NDFIP2: variants seen among roughly 807,000 people sequenced by gnomAD.
The protein encoded by NDFIP2 is Nedd4 family interacting protein 2.
In NDFIP2, 19 loss-of-function variants were observed where a neutral mutation model predicts 36.0. That is an observed-to-expected ratio of 0.53 (90% CI 0.37 to 0.77). The LOEUF (loss-of-function observed/expected upper bound fraction) is 0.77. Among genes scored for constraint, NDFIP2 ranks in the 30% least tolerant of loss-of-function variants. NDFIP2 has a pLI of 0.00. For missense variants in NDFIP2, 446 were observed against 435.8 expected (o/e 1.02, Z -0.21); for synonymous variants, 181 against 167.7 (o/e 1.08, Z -0.61).
At chr13:79,497,303 T>TA (rs1269727750) in intron 1 of NDFIP2, among the ~76,000 whole-genome samples, 2 of 152,020 alleles carry the variant, frequency 1.3e-5, no homozygotes, top group Non-Finnish European at 2.9e-5. Context: ...GGTTTCCCCT[T>TA]ACTTTCTAGT....
At chr13:79,535,203 G>C (rs1875187385) in intron 3 of NDFIP2, among the ~76,000 whole-genome samples, 1 of 152,110 alleles carries the variant, frequency 6.6e-6, no homozygotes, top group Non-Finnish European at 1.5e-5. Context: ...TTCCTCTCTA[G>C]CTATGAAAGT....
chr13:79,550,441 G>A (rs1001777580), intron 6 of NDFIP2, among the ~76,000 whole-genome samples: 1 of 151,464 alleles, frequency 6.6e-6, no homozygotes, highest in Admixed American at 6.6e-5. Context: ...TTATAAGTTA[G>A]TTTTTTATTA....
chr13:79,486,910 T>C (rs1337823415), intron 1 of NDFIP2, among the ~76,000 whole-genome samples: 1 of 152,200 alleles, frequency 6.6e-6, no homozygotes, highest in Non-Finnish European at 1.5e-5. Flanking sequence ...CGGCATAGTA[T>C]GTAGTAGGCT....
Position 79,554,547 on chromosome 13 carries a change from C to T in NDFIP2, c.*2034C>T, listed in dbSNP as rs552229081. ...TTTGTTTTGACTTTTCCCCCCAAAT[C>T]TGTAAGGTTCAAGTATACATATTAC... On this transcript the variant is annotated 3_prime_UTR_variant, in exon 8 of 8. Coordinates refer to ENST00000218652, the MANE Select transcript of NDFIP2 (RefSeq NM_019080.3). The T allele has an allele frequency of 3.3e-5, 5 of 151,964 alleles. No individual in the cohort carries two copies. The East Asian group carries it at 7.7e-4, about 23-fold the overall frequency. 9.4% of individuals were successfully genotyped at this position (151,964 alleles called of 1,614,324 possible). A position where few individuals can be genotyped will look rare whatever the true frequency, so the allele number is the denominator to read the frequency against.
chr13:79,507,650 C>T (rs1444202110), intron 1 of NDFIP2, among the ~76,000 whole-genome samples: 1 of 151,724 alleles, frequency 6.6e-6, no homozygotes, highest in Non-Finnish European at 1.5e-5. Flanking sequence ...GCTGTGTATT[C>T]TGTCTTCTTT....
intron 1 of NDFIP2, among the ~76,000 whole-genome samples, chr13:79,510,260 A>G (rs1874032894): frequency 6.6e-6 from 1 of 152,104 alleles, no homozygotes; most frequent in African/African-American, 2.4e-5. Context: ...CTGTGTTGTA[A>G]GTCACTGATG....
chr13:79,481,906 T>C (rs1200841933), intron 1 of NDFIP2, among the ~76,000 whole-genome samples: 1 of 152,160 alleles, frequency 6.6e-6, no homozygotes, highest in African/African-American at 2.4e-5. Flanking sequence ...TGGGGCTGAC[T>C]TCACATACCT....
intron 1 of NDFIP2, among the ~76,000 whole-genome samples, chr13:79,489,268 T>C (rs1323387752): frequency 6.6e-6 from 1 of 152,204 alleles, no homozygotes; most frequent in Non-Finnish European, 1.5e-5. Flanking sequence ...TGTTGTCTAT[T>C]TTCTGGAAGC....
chr13:79,519,609 T>G (rs934350771), intron 1 of NDFIP2, among the ~76,000 whole-genome samples: 1 of 152,222 alleles, frequency 6.6e-6, no homozygotes, highest in African/African-American at 2.4e-5. Context: ...TTCCTTTTAT[T>G]GGTGATAATA....
chr13:79,546,277 A>T (rs1048032702), intron 5 of NDFIP2, among the ~76,000 whole-genome samples: 4 of 152,154 alleles, frequency 2.6e-5, no homozygotes, highest in Admixed American at 6.6e-5. Context: ...AGCTGCGATG[A>T]ACCTCGGATT....
intron 1 of NDFIP2, 148 bp downstream of exon 1, chr13:79,481,672 G>C: frequency 9.9e-7 from 1 of 1,005,170 alleles, no homozygotes. Flanking sequence ...GGCTGGAGCT[G>C]CTTCACTCGC....
chr13:79,495,575 A>G (rs1371597910), intron 1 of NDFIP2, among the ~76,000 whole-genome samples: 3 of 151,924 alleles, frequency 2.0e-5, no homozygotes, highest in African/African-American at 7.2e-5. Context: ...TGTGTGGTGT[A>G]TCTTTTTCTG....
At chr13:79,546,096 T>C (rs1875664835) in intron 5 of NDFIP2, among the ~76,000 whole-genome samples, 1 of 152,210 alleles carries the variant, frequency 6.6e-6, no homozygotes, top group Non-Finnish European at 1.5e-5. Flanking sequence ...TTCCTATTTC[T>C]GTACTGCCTC....
intron 5 of NDFIP2, among the ~76,000 whole-genome samples, chr13:79,544,784 T>G (rs1017955353): frequency 2.0e-5 from 3 of 152,066 alleles, no homozygotes; most frequent in Non-Finnish European, 4.4e-5. Flanking sequence ...AATATTAATG[T>G]TTATGGATGT....
chr13:79,521,823 CT>C (rs577691451), intron 2 of NDFIP2, among the ~76,000 whole-genome samples: 130 of 130,454 alleles, frequency 1.0e-3, no homozygotes, highest in Middle Eastern at 4.3e-3. Context: ...TTTCGTTTTG[CT>C]TTTTTTTTTT....
At chr13:79,488,180 A>G (rs548420914) in intron 1 of NDFIP2, among the ~76,000 whole-genome samples, 33 of 152,286 alleles carry the variant, frequency 2.2e-4, no homozygotes, top group Admixed American at 5.2e-4. Context: ...AATATGTTGT[A>G]TACTAAGTAG....
At chr13:79,524,854 C>A (rs2760106) in intron 2 of NDFIP2, among the ~76,000 whole-genome samples, 62,052 of 152,014 alleles carry the variant, frequency 0.41, 13,497 homozygotes, top group East Asian at 0.7. Context: ...TGTCACCACA[C>A]GGTACCTGAG....
intron 2 of NDFIP2, among the ~76,000 whole-genome samples, chr13:79,531,323 A>T (rs1262805004): frequency 6.6e-6 from 1 of 152,228 alleles, no homozygotes; most frequent in Non-Finnish European, 1.5e-5. Context: ...CATAATTCTT[A>T]AGGGCTCTAT....
At chr13:79,501,316 CAAT>C (rs1566656333) in intron 1 of NDFIP2, among the ~76,000 whole-genome samples, 2 of 151,794 alleles carry the variant, frequency 1.3e-5, no homozygotes, top group Non-Finnish European at 2.9e-5. Flanking sequence ...CTTTGGGTAA[CAAT>C]GATGTGTTAT....
Sources: allele counts gnomAD v4.1 joint callset (sites outside exome capture counted in the v4.1 genomes callset), GRCh38; gene constraint gnomAD v4.1.1; transcripts MANE v1.5; gene names NCBI Gene and HGNC (gene_info 2026-07-23, HGNC 2026-07-21).